SELENOI: variants seen among roughly 807,000 people sequenced by gnomAD.
SELENOI encodes selenoprotein I, also known as ethanolaminephosphotransferase 1.
In SELENOI, 24 loss-of-function variants were observed where a neutral mutation model predicts 50.7. That is an observed-to-expected ratio of 0.47 (90% CI 0.34 to 0.67). SELENOI has a LOEUF of 0.67. Among genes scored for constraint, SELENOI ranks in the 30% least tolerant of loss-of-function variants. The probability of loss-of-function intolerance (pLI) is 0.01; values close to 1 mark genes in which losing one functional copy is unlikely to be tolerated. For missense variants in SELENOI, 352 were observed against 461.4 expected (o/e 0.76, Z 2.17); for synonymous variants, 155 against 170.2 (o/e 0.91, Z 0.70).
intron 1 of SELENOI, among the ~76,000 whole-genome samples, chr2:26,351,047 GT>G (rs1243341815): frequency 7.5e-6 from 1 of 132,746 alleles, no homozygotes; most frequent in African/African-American, 2.7e-5. Context: ...GTTGTTCACT[GT>G]TTGTTTGTTT....
intron 1 of SELENOI, among the ~76,000 whole-genome samples, chr2:26,361,799 G>A (rs1435184420): frequency 1.3e-5 from 2 of 152,146 alleles, no homozygotes; most frequent in South Asian, 2.1e-4. Context: ...GATTACAGGC[G>A]TATGCCACCA....
intron 6 of SELENOI, among the ~76,000 whole-genome samples, chr2:26,377,280 TC>T (rs1558419746): frequency 6.6e-6 from 1 of 152,198 alleles, no homozygotes; most frequent in African/African-American, 2.4e-5. Context: ...GCTTTTTTTT[TC>T]TTCTGCCATC....
intron 6 of SELENOI, among the ~76,000 whole-genome samples, chr2:26,382,973 G>A (rs1369469574): frequency 6.6e-6 from 1 of 152,132 alleles, no homozygotes; most frequent in Non-Finnish European, 1.5e-5. Context: ...TCAAAGCTCT[G>A]TGGGGTTGGT....
rs541326414 is a variant in SELENOI, at chr2:26,348,702, T to C, written c.57+2413T>C. On this transcript the variant is annotated intron_variant, in intron 1 of 9. Coordinates refer to ENST00000260585, the MANE Select transcript of SELENOI (RefSeq NM_033505.4). ...GGCCCTATGGCTGACTTTTTTTTTT[T>C]TTTCTTTAATAACATGACTGAGGTC... Among the ~76,000 whole-genome samples the C allele has an allele frequency of 2.0e-5, 3 of 152,242 alleles. No individual in the cohort carries two copies. In the East Asian group the frequency reaches 5.8e-4, roughly 29 times the overall value.
At chr2:26,361,444 C>A (rs78839234) in intron 1 of SELENOI, among the ~76,000 whole-genome samples, 84,587 of 151,802 alleles carry the variant, frequency 0.56, 25,138 homozygotes, top group African/African-American at 0.72. Flanking sequence ...ACTGTTATTA[C>A]ATTTATGTGA....
chr2:26,388,079 A>C (rs1236491362), intron 9 of SELENOI, among the ~76,000 whole-genome samples: 1 of 152,208 alleles, frequency 6.6e-6, no homozygotes, highest in Non-Finnish European at 1.5e-5. Context: ...AGGAGAAAAA[A>C]GCTGTGATGA....
intron 1 of SELENOI, among the ~76,000 whole-genome samples, chr2:26,349,884 G>A (rs1263970230): frequency 7.0e-6 from 1 of 142,358 alleles, no homozygotes; most frequent in Non-Finnish European, 1.5e-5. Flanking sequence ...GAGGTGGGAG[G>A]ATGGCTTGAG....
intron 3 of SELENOI, among the ~76,000 whole-genome samples, chr2:26,366,464 A>G (rs1046913728): frequency 6.6e-6 from 1 of 152,218 alleles, no homozygotes; most frequent in Non-Finnish European, 1.5e-5. Context: ...TGTAAATGTT[A>G]TATATATCTC....
intron 1 of SELENOI, among the ~76,000 whole-genome samples, chr2:26,362,008 C>T (rs1677189006): frequency 6.6e-6 from 1 of 152,138 alleles, no homozygotes; most frequent in Non-Finnish European, 1.5e-5. Context: ...CAATTTATTT[C>T]ATTTTAGTTA....
rs1461184174 is a variant in SELENOI at position 26,386,277 on chromosome 2, G to A, written c.913-77G>A. The A allele has an allele frequency of 5.1e-6, 7 of 1,368,194 alleles. No individual in the cohort carries two copies. In the African/African-American group the frequency reaches 8.7e-5, roughly 17 times the overall value. The allele number at this position is 1,368,194 out of a possible 1,614,324, so 84.8% of individuals were successfully genotyped here. On this transcript the variant is annotated intron_variant, in intron 8 of 9. Transcript: ENST00000260585. ...GTACTTGAATGCTTTTCAAATGTTG[G>A]AAAGACTAGTTTTGGAAGTGCTTTG... is the stretch of plus-strand genomic sequence containing the variant.
intron 1 of SELENOI, among the ~76,000 whole-genome samples, chr2:26,363,409 G>T (rs537265225): frequency 6.6e-6 from 1 of 152,294 alleles, no homozygotes; most frequent in East Asian, 1.9e-4. Flanking sequence ...GATGAAGGAG[G>T]TTGAGAAGGT....
chr2:26,364,520 C>T (rs1574754386), intron 2 of SELENOI, 150 bp downstream of exon 2: 2 of 603,202 alleles, frequency 3.3e-6, no homozygotes, highest in South Asian at 2.3e-5. Context: ...AATCACATAC[C>T]TTTTGATTTA....
intron 6 of SELENOI, among the ~76,000 whole-genome samples, chr2:26,381,446 G>A (rs369811903): frequency 2.1e-3 from 317 of 151,888 alleles, no homozygotes; most frequent in Middle Eastern, 6.8e-3. Flanking sequence ...AAGATGCAGC[G>A]TTTCTCTTTG....
chr2:26,361,295 G>T (rs553656486), intron 1 of SELENOI, among the ~76,000 whole-genome samples: 20 of 152,148 alleles, frequency 1.3e-4, no homozygotes, highest in Non-Finnish European at 2.6e-4. Context: ...TCCACAGAGA[G>T]TCCTGGGGCC....
At chr2:26,382,826 A>T (rs899217321) in intron 6 of SELENOI, among the ~76,000 whole-genome samples, 3 of 143,322 alleles carry the variant, frequency 2.1e-5, no homozygotes, top group African/African-American at 5.1e-5. Context: ...CTGTTTCCAT[A>T]AAAAAAAAAA....
At chr2:26,377,010 T>A (rs1414512363) in intron 6 of SELENOI, among the ~76,000 whole-genome samples, 4 of 152,214 alleles carry the variant, frequency 2.6e-5, no homozygotes, top group Non-Finnish European at 5.9e-5. Flanking sequence ...TTTGTCTTTC[T>A]TGGTATTTGT....
intron 4 of SELENOI, among the ~76,000 whole-genome samples, chr2:26,368,162 T>C (rs1436419237): frequency 6.6e-6 from 1 of 152,190 alleles, no homozygotes; most frequent in Non-Finnish European, 1.5e-5. Flanking sequence ...TAAATGCTGA[T>C]ATGGTAGATG....
chr2:26,376,418 A>G (rs1677568875), intron 6 of SELENOI, among the ~76,000 whole-genome samples: 1 of 152,204 alleles, frequency 6.6e-6, no homozygotes, highest in African/African-American at 2.4e-5. Flanking sequence ...GTTACATTTA[A>G]GTGTTAAATT....
chr2:26,362,009 A>AT (rs1387539655), intron 1 of SELENOI, among the ~76,000 whole-genome samples: 1 of 152,078 alleles, frequency 6.6e-6, no homozygotes, highest in African/African-American at 2.4e-5. Context: ...AATTTATTTC[A>AT]TTTTAGTTAG....
Sources: allele counts gnomAD v4.1 joint callset (sites outside exome capture counted in the v4.1 genomes callset), GRCh38; gene constraint gnomAD v4.1.1; transcripts MANE v1.5; gene names NCBI Gene and HGNC (gene_info 2026-07-23, HGNC 2026-07-21).